The following TTLL7 variants were observed in gnomAD, a reference collection of about 807,000 sequenced individuals.
TTLL7 encodes tubulin polyglutamylase TTLL7.
A neutral mutation model predicts 120.2 loss-of-function variants in TTLL7; 53 were observed. The ratio of observed to expected loss-of-function variants is 0.44; its 90% CI spans 0.35 to 0.55. The LOEUF is 0.55. Ranked by LOEUF, TTLL7 falls within the 20% of genes least tolerant of loss-of-function variation. The pLI, the probability that TTLL7 is intolerant of heterozygous loss-of-function variation, is 0.00. For missense variants in TTLL7, 803 were observed against 1,054.7 expected (o/e 0.76, Z 3.31); for synonymous variants, 353 against 351.7 (o/e 1.00, Z -0.04).
At chr1:83,879,522 G>A (rs192966191) in intron 20 of TTLL7, among the ~76,000 whole-genome samples, 2 of 152,068 alleles carry the variant, frequency 1.3e-5, no homozygotes, top group Admixed American at 6.6e-5. Context: ...TGACATGGAA[G>A]GTTTGTGTTG....
At chr1:83,887,147 C>T in intron 19 of TTLL7, 1 of 834,560 alleles carries the variant, frequency 1.2e-6, no homozygotes, top group Non-Finnish European at 1.5e-6. Flanking sequence ...TCTGGTGTTT[C>T]TGGAGGTAGA....
In TTLL7 at chr1:83,907,545, C is replaced by T; in HGVS notation, c.1903G>A (p.Ala635Thr). ...QMISVSRPTS[A>T]SRSHSLNRAS... ...CGGTTTAAGGAATGTGACCGAGATG[C>T]AGAAGTTGGCCGTGACACAGATATC... Residue 635 changes from alanine to threonine, a missense_variant, in exon 16 of 21, where the codon GCA becomes ACA. Coordinates refer to ENST00000260505, the MANE Select transcript of TTLL7 (RefSeq NM_024686.6). 1 of 1,613,368 alleles carries T rather than the reference C, an allele frequency of 6.2e-7. No individual in the cohort carries two copies. The highest frequency in any genetic ancestry group is 1.1e-5 in the South Asian group (1 of 91,074).
At chr1:83,905,593 A>T (rs534157730) in intron 17 of TTLL7, among the ~76,000 whole-genome samples, 305 of 150,930 alleles carry the variant, frequency 2.0e-3, no homozygotes, top group South Asian at 3.9e-3. Flanking sequence ...GGCCCAAAAT[A>T]TATTTTTATA....
intron 1 of TTLL7, among the ~76,000 whole-genome samples, chr1:83,965,435 G>C (rs1650367417): frequency 6.6e-6 from 1 of 152,004 alleles, no homozygotes; most frequent in African/African-American, 2.4e-5. Context: ...CACCATGATT[G>C]CAAGTTTCCC....
intron 1 of TTLL7, among the ~76,000 whole-genome samples, chr1:83,957,869 T>A (rs1178171983): frequency 6.6e-6 from 1 of 152,200 alleles, no homozygotes; most frequent in Non-Finnish European, 1.5e-5. Context: ...TTGAGCCTTT[T>A]TTATCTTAGA....
intron 18 of TTLL7, chr1:83,900,179 T>TA (rs1432934483): frequency 4.5e-6 from 2 of 447,610 alleles, no homozygotes; most frequent in Admixed American, 4.9e-5. Context: ...GCTGTTCAAA[T>TA]AAACATCACT....
At chr1:83,908,130 C>G (rs1657362281) in intron 15 of TTLL7, among the ~76,000 whole-genome samples, 1 of 152,032 alleles carries the variant, frequency 6.6e-6, no homozygotes, top group African/African-American at 2.4e-5. Context: ...GGTTTCAATC[C>G]TGACCCTATC....
intron 7 of TTLL7, 65 bp from the exon 8 acceptor site, chr1:83,938,081 GA>G (rs1647592386): frequency 7.4e-6 from 11 of 1,483,218 alleles, no homozygotes; most frequent in South Asian, 1.2e-5. Flanking sequence ...AGTTTCAGAG[GA>G]AAAAAAGACA....
Position 83,919,716 on chromosome 1 carries a change from G to A in TTLL7, c.1483C>T (p.Pro495Ser), listed in dbSNP as rs1171938398. The A allele has an allele frequency of 1.2e-6, 2 of 1,611,626 alleles. No individual in the cohort carries two copies. Among genetic ancestry groups the A allele is most frequent in the East Asian group, 4.5e-5 (2 of 44,772 alleles). ...AASFQRELNN[P>S]LKRMKEEDIL... is the part of the protein sequence containing the mutation. ...TCTCTTACCTTCATCCTTTTCAAAG[G>A]ATTATTCAACTCTCGCTGGAATGAA... Residue 495 changes from proline to serine, a missense_variant, in exon 13 of 21, where the codon CCT becomes TCT. This residue lies in a region of TTLL7 where 324 missense variants were observed against 507.7 expected (regional missense o/e 0.64). Coordinates refer to ENST00000260505, the MANE Select transcript of TTLL7 (RefSeq NM_024686.6).
At chr1:83,965,254 G>T (rs1426630936) in intron 1 of TTLL7, among the ~76,000 whole-genome samples, 1 of 152,094 alleles carries the variant, frequency 6.6e-6, no homozygotes, top group African/African-American at 2.4e-5. Context: ...CGTGTCAAGG[G>T]AGGGACCTGG....
chr1:83,870,494 A>G (rs1228144125), intron 20 of TTLL7, among the ~76,000 whole-genome samples: 1 of 152,246 alleles, frequency 6.6e-6, no homozygotes, highest in African/African-American at 2.4e-5. Flanking sequence ...TTATAATTTA[A>G]TAATAGATCA....
chr1:83,915,732 C>T (rs1440531454), intron 14 of TTLL7, among the ~76,000 whole-genome samples: 4 of 147,356 alleles, frequency 2.7e-5, no homozygotes, highest in Admixed American at 2.7e-4. Flanking sequence ...AAAATTTTTG[C>T]AATCTACTCA....
intron 1 of TTLL7, among the ~76,000 whole-genome samples, chr1:83,982,994 C>T (rs113730611): frequency 6.6e-6 from 1 of 152,152 alleles, no homozygotes; most frequent in African/African-American, 2.4e-5. Flanking sequence ...GAAATAAAGC[C>T]GCATAGCGAC....
intron 20 of TTLL7, among the ~76,000 whole-genome samples, chr1:83,872,525 G>T (rs1385119951): frequency 6.6e-6 from 1 of 152,208 alleles, no homozygotes; most frequent in Non-Finnish European, 1.5e-5. Flanking sequence ...GTAGTTGAGA[G>T]TTATTCTACC....
chr1:83,933,493 A>G (rs1659773310), intron 9 of TTLL7, 115 bp downstream of exon 9: 2 of 1,069,236 alleles, frequency 1.9e-6, no homozygotes, highest in Non-Finnish European at 2.7e-6. Context: ...TATTCCATTC[A>G]GCCTTCATTC....
intron 18 of TTLL7, among the ~76,000 whole-genome samples, chr1:83,897,353 G>A (rs1571107279): frequency 1.3e-5 from 2 of 152,136 alleles, no homozygotes; most frequent in Admixed American, 1.3e-4. Context: ...TTGAATGCAT[G>A]ATTAAGTGAG....
chr1:83,896,765 C>T (rs1656259863), intron 18 of TTLL7, among the ~76,000 whole-genome samples: 1 of 152,062 alleles, frequency 6.6e-6, no homozygotes, highest in Non-Finnish European at 1.5e-5. Context: ...ACAGTACAAC[C>T]TTAATGTCAT....
intron 19 of TTLL7, among the ~76,000 whole-genome samples, chr1:83,888,599 T>C (rs11163861): frequency 0.43 from 65,738 of 151,648 alleles, 15,597 homozygotes; most frequent in Non-Finnish European, 0.54. Flanking sequence ...ATTCAAATAA[T>C]ACAGAGGGTA....
chr1:83,959,460 T>C (rs1649823808), intron 1 of TTLL7, among the ~76,000 whole-genome samples: 1 of 152,212 alleles, frequency 6.6e-6, no homozygotes, highest in Admixed American at 6.5e-5. Flanking sequence ...TCTCACTTTT[T>C]TTTCATAATC....
Sources: gnomAD v4.1 joint callset for allele counts (sites outside exome capture counted in the v4.1 genomes callset) on GRCh38, gnomAD v4.1.1 for gene constraint, gnomAD v4.1.1 regional missense constraint, MANE v1.5 for transcripts, NCBI Gene and HGNC (gene_info 2026-07-23, HGNC 2026-07-21) for gene names.